TMCC1: variants seen among roughly 807,000 people sequenced by gnomAD.
TMCC1 encodes the protein transmembrane and coiled-coil domain family 1, also known as transmembrane and coiled-coil domains protein 1.
Under a neutral mutation model 52.4 loss-of-function variants are expected in TMCC1, and 15 were observed. The observed-to-expected ratio is 0.29, with a 90% CI of 0.19 to 0.44. TMCC1 has a LOEUF of 0.44. Ranked by LOEUF, TMCC1 falls within the 20% of genes least tolerant of loss-of-function variation. The pLI, the probability that TMCC1 is intolerant of heterozygous loss-of-function variation, is 1.00. For synonymous variants in TMCC1, 279 were observed against 301.9 expected (o/e 0.92, Z 0.79); for missense variants, 503 against 806.0 (o/e 0.62, Z 4.55).
chr3:129,794,277 G>GC (rs936250267), intron 4 of TMCC1: 10 of 456,150 alleles, frequency 2.2e-5, no homozygotes, highest in African/African-American at 1.8e-4. Context: ...CCATGCTGAA[G>GC]CAAGTGAGAG....
intron 4 of TMCC1, among the ~76,000 whole-genome samples, chr3:129,708,105 G>C (rs1415514633): frequency 3.3e-5 from 5 of 152,094 alleles, no homozygotes; most frequent in Non-Finnish European, 5.9e-5. Context: ...AACTATTCAT[G>C]ATTAATTGAT....
At chr3:129,823,752 G>A (rs1212066861) in intron 4 of TMCC1, among the ~76,000 whole-genome samples, 1 of 152,164 alleles carries the variant, frequency 6.6e-6, no homozygotes. Flanking sequence ...TTATATTAGC[G>A]TTCTGGATAA....
chr3:129,764,503 T>C (rs2053913078), intron 4 of TMCC1, among the ~76,000 whole-genome samples: 1 of 152,058 alleles, frequency 6.6e-6, no homozygotes, highest in Non-Finnish European at 1.5e-5. Context: ...ATAATAATAA[T>C]GGCAATACAT....
At chr3:129,851,288 A>G (rs2059906942) in intron 2 of TMCC1, among the ~76,000 whole-genome samples, 1 of 152,226 alleles carries the variant, frequency 6.6e-6, no homozygotes, top group African/African-American at 2.4e-5. Context: ...GCTCCAGTGT[A>G]TACTCCTTTC....
Position 129,677,872 on chromosome 3 carries a change from C to T in TMCC1, c.577-6608G>A, listed in dbSNP as rs139527050. 3.2e-3 allele frequency among the ~76,000 whole-genome samples: 489 copies of T among 152,342 alleles called. 4 individuals are homozygous for T. Among genetic ancestry groups the T allele is most frequent in the Non-Finnish European group, 3.8e-3 (256 of 68,022 alleles). ...AGCTCACACTTCCCTTAATACTAGA[C>T]TCAGATATCCAACTACCTACTTAGT... On this transcript the variant is annotated intron_variant, in intron 4 of 6. Coordinates refer to ENST00000393238, the MANE Select transcript of TMCC1 (RefSeq NM_001017395.5).
chr3:129,822,495 T>C (rs1241465376), intron 4 of TMCC1, among the ~76,000 whole-genome samples: 2 of 152,184 alleles, frequency 1.3e-5, no homozygotes, highest in African/African-American at 2.4e-5. Flanking sequence ...GAAATCAGTC[T>C]TTGTCACTGC....
intron 4 of TMCC1, among the ~76,000 whole-genome samples, chr3:129,745,619 A>T (rs2051874991): frequency 6.6e-6 from 1 of 152,158 alleles, no homozygotes; most frequent in Non-Finnish European, 1.5e-5. Context: ...AAGGAGAGAG[A>T]GAGAGAAGCC....
chr3:129,654,857 T>G, intron 6 of TMCC1, 111 bp downstream of exon 6: 1 of 1,419,100 alleles, frequency 7.0e-7, no homozygotes, highest in Non-Finnish European at 9.6e-7. Context: ...ACACAGTTGG[T>G]ATAAGCTTTT....
At chr3:129,704,423 T>C (rs1332568171) in intron 4 of TMCC1, among the ~76,000 whole-genome samples, 1 of 152,144 alleles carries the variant, frequency 6.6e-6, no homozygotes, top group African/African-American at 2.4e-5. Flanking sequence ...GCATTTTTTA[T>C]TTGTTTATTT....
chr3:129,807,492 G>A (rs1179193496), intron 4 of TMCC1, among the ~76,000 whole-genome samples: 2 of 152,162 alleles, frequency 1.3e-5, no homozygotes. Flanking sequence ...ATAGTACTGA[G>A]TCTGCTGAGT....
At chr3:129,667,876 A>G (rs2087594529) in intron 5 of TMCC1, among the ~76,000 whole-genome samples, 1 of 152,172 alleles carries the variant, frequency 6.6e-6, no homozygotes, top group Non-Finnish European at 1.5e-5. Context: ...TTTAAAAACT[A>G]CAAGGTATCC....
intron 4 of TMCC1, among the ~76,000 whole-genome samples, chr3:129,788,629 A>AT (rs71620061): frequency 1.1e-3 from 157 of 145,048 alleles, no homozygotes; most frequent in East Asian, 6.0e-3. Context: ...CGCCCGGCTA[A>AT]TTTTTTTTTT....
intron 4 of TMCC1, among the ~76,000 whole-genome samples, chr3:129,672,452 TAC>T (rs1356250900): frequency 1.3e-5 from 2 of 151,896 alleles, no homozygotes; most frequent in Non-Finnish European, 2.9e-5. Flanking sequence ...TTTTTTAAAT[TAC>T]ACAGTTATGG....
intron 4 of TMCC1, among the ~76,000 whole-genome samples, chr3:129,796,027 A>T (rs1232679685): frequency 6.6e-6 from 1 of 152,240 alleles, no homozygotes; most frequent in African/African-American, 2.4e-5. Flanking sequence ...TTTATCACAG[A>T]TATGTGTATA....
chr3:129,716,277 C>A (rs1251742972), intron 4 of TMCC1, among the ~76,000 whole-genome samples: 1 of 150,872 alleles, frequency 6.6e-6, no homozygotes, highest in Non-Finnish European at 1.5e-5. Flanking sequence ...AGTCTCCTGC[C>A]TCAGCCTCCT....
chr3:129,825,368 T>A (rs2058612855), intron 4 of TMCC1, among the ~76,000 whole-genome samples: 1 of 152,152 alleles, frequency 6.6e-6, no homozygotes, highest in Non-Finnish European at 1.5e-5. Context: ...CCAAAAAGCT[T>A]CCCTCATTGC....
intron 2 of TMCC1, among the ~76,000 whole-genome samples, chr3:129,851,562 G>A (rs564799221): frequency 3.9e-5 from 6 of 152,090 alleles, no homozygotes; most frequent in South Asian, 2.1e-4. Context: ...ACATTAGGAC[G>A]GCTACTATCA....
At chr3:129,719,161 C>T (rs1211888753) in intron 4 of TMCC1, among the ~76,000 whole-genome samples, 2 of 152,212 alleles carry the variant, frequency 1.3e-5, no homozygotes, top group Non-Finnish European at 2.9e-5. Flanking sequence ...CCCCACCCCC[C>T]AACCTCTGGG....
At chr3:129,818,784 T>C (rs571092361) in intron 4 of TMCC1, 151 of 152,324 alleles carry the variant, frequency 9.9e-4, no homozygotes, top group African/African-American at 3.4e-3. Flanking sequence ...TTAATTATTC[T>C]GAAGAATATG....
Sources: gnomAD v4.1 joint callset for allele counts (sites outside exome capture counted in the v4.1 genomes callset) on GRCh38, gnomAD v4.1.1 for gene constraint, MANE v1.5 for transcripts, NCBI Gene and HGNC (gene_info 2026-07-23, HGNC 2026-07-21) for gene names.